SAE1: variants seen among roughly 807,000 people sequenced by gnomAD.
The protein encoded by SAE1 is SUMO1 activating enzyme subunit 1, also known as SUMO-activating enzyme subunit 1.
A neutral mutation model predicts 40.6 loss-of-function variants in SAE1; 11 were observed. That is an observed-to-expected ratio of 0.27 (90% CI 0.17 to 0.45). SAE1 has a LOEUF of 0.45. Ranked by LOEUF, SAE1 falls within the 20% of genes least tolerant of loss-of-function variation. SAE1 has a pLI of 1.00. For synonymous variants in SAE1, 155 were observed against 154.3 expected (o/e 1.00, Z -0.03); for missense variants, 373 against 427.3 (o/e 0.87, Z 1.12).
chr19:47,131,861 C>G (rs1313803898), intron 1 of SAE1, among the ~76,000 whole-genome samples: 4 of 151,518 alleles, frequency 2.6e-5, no homozygotes, highest in African/African-American at 7.3e-5. Context: ...CCAGCACGCC[C>G]GGCTAATTTT....
intron 6 of SAE1, among the ~76,000 whole-genome samples, chr19:47,186,407 G>T (rs1320852946): frequency 6.6e-6 from 1 of 152,116 alleles, no homozygotes; most frequent in African/African-American, 2.4e-5. Flanking sequence ...AAACAACACT[G>T]CAGTGAACAT....
In SAE1 at chr19:47,130,866, G is replaced by A. The variant is rs530695903; in HGVS notation, c.-65G>A. The A allele has an allele frequency of 3.6e-5, 56 of 1,544,210 alleles. No homozygotes were observed. In the Middle Eastern group the frequency reaches 1.4e-3, roughly 38 times the overall value. ...GGCGTGCTGCCGGCGGCGGTAGGTG[G>A]CGCGCGGGTCCGGCGGGCGGTTGGC... On this transcript the variant is annotated 5_prime_UTR_variant, in exon 1 of 9. Transcript: ENST00000270225.
intron 6 of SAE1, among the ~76,000 whole-genome samples, chr19:47,172,560 C>T (rs1176950920): frequency 2.6e-5 from 4 of 151,868 alleles, no homozygotes; most frequent in Non-Finnish European, 5.9e-5. Context: ...AAAAATTAGC[C>T]GGATGAGGTG....
At position 47,210,318 on chromosome 19, in the gene SAE1, T is replaced by A. The variant is rs1319652117; in HGVS notation, c.*1067T>A. ...TCTCCCTCACCATTCCTGCCACCAT[T>A]TTTTCTGGGTGATGCAGCAAGAGTT... On this transcript the variant is annotated 3_prime_UTR_variant, in exon 9 of 9. Transcript: ENST00000270225. 1 of 152,152 alleles carries A rather than the reference T, an allele frequency of 6.6e-6. No homozygotes were observed. Among genetic ancestry groups the A allele is most frequent in the Non-Finnish European group, 1.5e-5 (1 of 68,040 alleles). 9.4% of individuals were successfully genotyped at this position (152,152 alleles called of 1,614,324 possible).
intron 6 of SAE1, among the ~76,000 whole-genome samples, chr19:47,184,287 TTAAGAATGTGG>T (rs1281985580): frequency 2.0e-5 from 3 of 152,178 alleles, no homozygotes; most frequent in African/African-American, 7.2e-5. Context: ...AACGTAGAGG[TTAAGAATGTGG>T]TGACTTTTAA....
chr19:47,200,333 G>C (rs149819222), intron 7 of SAE1, among the ~76,000 whole-genome samples: 219 of 150,272 alleles, frequency 1.5e-3, no homozygotes, highest in African/African-American at 5.2e-3. Context: ...CCTGGGCTCA[G>C]GCAACACTCT....
At chr19:47,139,099 G>A (rs1026402873) in intron 1 of SAE1, among the ~76,000 whole-genome samples, 1 of 151,686 alleles carries the variant, frequency 6.6e-6, no homozygotes, top group Non-Finnish European at 1.5e-5. Flanking sequence ...CTACAGGCAC[G>A]TGCCACCACG....
intron 6 of SAE1, among the ~76,000 whole-genome samples, chr19:47,177,972 G>T (rs2058481162): frequency 6.6e-6 from 1 of 152,084 alleles, no homozygotes; most frequent in African/African-American, 2.4e-5. Flanking sequence ...GCCAGGCGCG[G>T]TGGCTCACGC....
At chr19:47,175,107 A>ATTTTTTTTTTTTTTTTTT (rs916783073) in intron 6 of SAE1, among the ~76,000 whole-genome samples, 3 of 91,706 alleles carry the variant, frequency 3.3e-5, no homozygotes, top group African/African-American at 4.1e-5. Flanking sequence ...AGTGGCCTTG[A>ATTTTTTTTTTTTTTTTTT]TTTTTTTTTT....
intron 6 of SAE1, among the ~76,000 whole-genome samples, chr19:47,175,343 G>C (rs1422662389): frequency 1.3e-5 from 2 of 152,078 alleles, no homozygotes; most frequent in Admixed American, 1.3e-4. Flanking sequence ...GGTTGAGCAT[G>C]GTTGTGATTG....
chr19:47,199,390 CA>C (rs35275499), intron 7 of SAE1, among the ~76,000 whole-genome samples: 15,319 of 56,506 alleles, frequency 0.27, 553 homozygotes, highest in East Asian at 0.35. Flanking sequence ...GACTCCTTCT[CA>C]AAAAAAAAAA....
chr19:47,168,767 C>A (rs1377782596), intron 5 of SAE1, among the ~76,000 whole-genome samples: 1 of 152,094 alleles, frequency 6.6e-6, no homozygotes. Context: ...CCACGTCCAA[C>A]TAATTTTTGT....
chr19:47,178,043 C>T (rs564642244), intron 6 of SAE1, among the ~76,000 whole-genome samples: 38 of 151,980 alleles, frequency 2.5e-4, no homozygotes, highest in Non-Finnish European at 4.6e-4. Context: ...GAGATCGAGA[C>T]CATCCTGGCC....
chr19:47,202,695 C>T (rs1042384138), intron 7 of SAE1, among the ~76,000 whole-genome samples: 9 of 151,146 alleles, frequency 6.0e-5, no homozygotes, highest in African/African-American at 1.5e-4. Flanking sequence ...GGGCGGATCA[C>T]GAGGTCAAGA....
rs1459959953 is a variant in SAE1, at chr19:47,191,842, T to G, written c.734-5391T>G. On this transcript the variant is annotated intron_variant, in intron 6 of 8. Transcript: ENST00000270225. ...AGGCCAAGGCGGGCCGATCACAAGGTCAGGAGATCGAGACCATCCTGGCTA... is the reference window on the plus strand; with the variant it reads ...AGGCCAAGGCGGGCCGATCACAAGGGCAGGAGATCGAGACCATCCTGGCTA... 2.6e-5 allele frequency among the ~76,000 whole-genome samples: 4 copies of G among 152,048 alleles called. No individual in the cohort carries two copies. In the East Asian group the frequency reaches 5.8e-4, roughly 22 times the overall value.
intron 3 of SAE1, among the ~76,000 whole-genome samples, chr19:47,151,463 T>TTTTC (rs538828075): frequency 8.6e-4 from 130 of 151,412 alleles, no homozygotes; most frequent in African/African-American, 2.7e-3. Flanking sequence ...TTTTTTACAC[T>TTTTC]TTTCTTTCTT....
At chr19:47,168,192 G>GA (rs200766691) in intron 5 of SAE1, among the ~76,000 whole-genome samples, 2,122 of 148,470 alleles carry the variant, frequency 0.014, 101 homozygotes, top group Admixed American at 0.097. Flanking sequence ...AGACTGTCTG[G>GA]AAAAAAAAAA....
At chr19:47,157,119 C>T (rs572761831) in intron 5 of SAE1, among the ~76,000 whole-genome samples, 3 of 152,310 alleles carry the variant, frequency 2.0e-5, no homozygotes, top group African/African-American at 4.8e-5. Flanking sequence ...TCAGACTCTC[C>T]AGCAAGGCGG....
chr19:47,153,026 G>A lies in SAE1; in HGVS notation c.513G>A (p.Glu171=), dbSNP rs148429414. The change falls in exon 4 of 9, where the codon GAG becomes GAA. Residue 171 remains glutamate (E), a synonymous_variant. Transcript: ENST00000270225. ...GATACACATTTGCCAATCTAGGAGAGCATGAGTTTGTAGAGTAAGTGTTGG... is the reference window on the plus strand; with the variant it reads ...GATACACATTTGCCAATCTAGGAGAACATGAGTTTGTAGAGTAAGTGTTGG... ...YHGYTFANLG[E]HEFVEEKTKV... 30 of 1,612,476 alleles carry A rather than the reference G, an allele frequency of 1.9e-5. No individual in the cohort carries two copies. The African/African-American group carries it at 3.1e-4, about 17-fold the overall frequency.
Sources: gnomAD v4.1 joint callset for allele counts (sites outside exome capture counted in the v4.1 genomes callset) on GRCh38, gnomAD v4.1.1 for gene constraint, MANE v1.5 for transcripts, NCBI Gene and HGNC (gene_info 2026-07-23, HGNC 2026-07-21) for gene names.